The following TRIM27 variants were observed in gnomAD, a reference collection of about 807,000 sequenced individuals.
TRIM27 encodes the protein zinc finger protein RFP.
TRIM27 carries 12 observed loss-of-function variants against 57.6 expected under a neutral mutation model. The observed-to-expected ratio is 0.21, with a 90% confidence interval of 0.13 to 0.34. The LOEUF (loss-of-function observed/expected upper bound fraction) is 0.34, where lower values mean the gene tolerates loss of function less well. Among genes scored for constraint, TRIM27 ranks in the 10% least tolerant of loss-of-function variants. The probability of loss-of-function intolerance (pLI) is 1.00; values close to 1 mark genes in which losing one functional copy is unlikely to be tolerated. For missense variants in TRIM27, 403 were observed against 656.8 expected, an observed-to-expected ratio of 0.61 and a Z score of 4.22; for synonymous variants, 266 against 259.0, an observed-to-expected ratio of 1.03 and a Z score of -0.26.
chr6:28,906,006 A>G (rs1377480903), intron 7 of TRIM27: 2 of 152,094 alleles, frequency 1.3e-5, no homozygotes, highest in African/African-American at 2.4e-5. Flanking sequence ...GATTGCTTGC[A>G]TACAGGAGTT....
At chr6:28,920,802 G>A (rs1014118245) in intron 2 of TRIM27, among the ~76,000 whole-genome samples, 5 of 152,162 alleles carry the variant, frequency 3.3e-5, no homozygotes, top group Non-Finnish European at 5.9e-5. Context: ...ATGGAAGATT[G>A]TCACACAGGA....
At chr6:28,918,463 C>T (rs1386775537) in intron 3 of TRIM27, among the ~76,000 whole-genome samples, 1 of 152,076 alleles carries the variant, frequency 6.6e-6, no homozygotes, top group Non-Finnish European at 1.5e-5. Flanking sequence ...TGGGTATCAG[C>T]TTTGATATTA....
At chr6:28,911,777 T>C (rs1773226994) in intron 3 of TRIM27, 59 bp from the exon 4 acceptor site, 1 of 1,574,168 alleles carries the variant, frequency 6.4e-7, no homozygotes, top group Non-Finnish European at 8.7e-7. Flanking sequence ...CGGTTTTCTT[T>C]CACAGATGTT....
chr6:28,904,135 T>C lies in TRIM27; in HGVS notation c.1477A>G (p.Ser493Gly). Residue 493 changes from serine to glycine, a missense_variant, in exon 8 of 8, where the codon AGT becomes GGT. Ser to Gly is a moderately conservative substitution (Grantham distance 56). Coordinates refer to ENST00000377199, the MANE Select transcript of TRIM27 (RefSeq NM_006510.5). The surrounding 1 kb of genome is among the most constrained non-coding windows in gnomAD (Gnocchi z 6.1). ...SAAPLIICPM[S>G]GIDGFSGHVG... Reference sequence around the variant, plus strand: ...TGGCCAGAAAACCCATCTATCCCACTCATGGGGCAGATGATCAGAGGAGCT... The same window carrying C: ...TGGCCAGAAAACCCATCTATCCCACCCATGGGGCAGATGATCAGAGGAGCT... 3.7e-6 allele frequency: 6 copies of C among 1,612,990 alleles called. No homozygotes were observed. The highest frequency in any genetic ancestry group is 5.1e-6 in the Non-Finnish European group (6 of 1,180,018).
At chr6:28,920,841 G>A (rs912743789) in intron 2 of TRIM27, among the ~76,000 whole-genome samples, 2 of 152,108 alleles carry the variant, frequency 1.3e-5, no homozygotes, top group African/African-American at 4.8e-5. Context: ...TGTGCCCTAT[G>A]GAGGATGGAA....
intron 6 of TRIM27, chr6:28,908,324 G>C: frequency 6.2e-6 from 1 of 162,388 alleles, no homozygotes; most frequent in Non-Finnish European, 1.3e-5. Flanking sequence ...AGTGGTAGAG[G>C]CAGGCCCAGA....
chr6:28,916,163 C>T (rs1424221719), intron 3 of TRIM27, among the ~76,000 whole-genome samples: 2 of 152,062 alleles, frequency 1.3e-5, no homozygotes, highest in Non-Finnish European at 2.9e-5. Flanking sequence ...GATCTGCCCA[C>T]CTTGGCCTCC....
chr6:28,909,004 T>C lies in TRIM27; in HGVS notation c.855A>G (p.Leu285=), dbSNP rs150173690. Residue 285 remains leucine, a synonymous_variant, in exon 5 of 8, where the codon CTA becomes CTG. Coordinates refer to ENST00000377199, the MANE Select transcript of TRIM27 (RefSeq NM_006510.5). ...ACTGCTTTAGACTCTCCGTCAAGAA[T>C]AGACATTTTTGGGCAAAAATGTGGA... ...EKIHIFAQKC[L]FLTESLKQFT... 1.6e-3 allele frequency: 2,580 copies of C among 1,614,074 alleles called. 9 individuals are homozygous for C. The highest frequency in any genetic ancestry group is 7.3e-3 in the South Asian group (662 of 91,060).
rs1275187562 is a variant in TRIM27 at position 28,923,917 on chromosome 6, T to C, written c.-285A>G. The C allele has an allele frequency of 4.8e-6, 2 of 417,202 alleles. No homozygotes were observed. Among genetic ancestry groups the C allele is most frequent in the African/African-American group, 4.1e-5 (2 of 48,318 alleles). 25.8% of individuals were successfully genotyped at this position (417,202 alleles called of 1,614,324 possible). A position where few individuals can be genotyped will look rare whatever the true frequency, so the allele number is the denominator to read the frequency against. On this transcript the variant is annotated 5_prime_UTR_variant, in exon 1 of 8. Transcript: ENST00000377199. ...AGGAAAGGGTAGCCGAGGGTCAGAG[T>C]CCCAGGGCCAGGCGGGCAAAGCGCG...
chr6:28,922,133 G>T, intron 1 of TRIM27, 146 bp from the exon 2 acceptor site: 1 of 625,328 alleles, frequency 1.6e-6, no homozygotes, highest in Non-Finnish European at 2.8e-6. Flanking sequence ...ACCCACAAGA[G>T]ACTCAGGGCG....
chr6:28,922,228 T>C (rs1442119859), intron 1 of TRIM27, among the ~76,000 whole-genome samples: 1 of 152,244 alleles, frequency 6.6e-6, no homozygotes, highest in Non-Finnish European at 1.5e-5. Flanking sequence ...TCGTCAGGAC[T>C]ATTTGTGTCT....
At chr6:28,920,272 G>A in intron 2 of TRIM27, 30 bp from the exon 3 acceptor site, 1 of 1,541,618 alleles carries the variant, frequency 6.5e-7, no homozygotes. Context: ...AGGCAGTAAA[G>A]AGAAAAACGG....
rs1337421024 is a variant in TRIM27, at chr6:28,904,877, C to T, written c.947-212G>A. On this transcript the variant is annotated intron_variant, in intron 7 of 7. Transcript: ENST00000377199. This position sits in a 1 kb window ranked among gnomAD's most constrained non-coding sequence, Gnocchi z 6.1. ...CTCTGAAAATACAGAATTTTAGCCC[C>T]GTATCTTTTCTTTCACATCTGAAGC... is the stretch of plus-strand genomic sequence containing the variant. The T allele has an allele frequency of 1.4e-5, 8 of 557,206 alleles. No individual in the cohort carries two copies. Among genetic ancestry groups the T allele is most frequent in the South Asian group, 2.7e-5 (1 of 37,352 alleles). The allele number at this position is 557,206 out of a possible 1,614,324, so 34.5% of individuals were successfully genotyped here. A position where few individuals can be genotyped will look rare whatever the true frequency, so the allele number is the denominator to read the frequency against.
chr6:28,907,646 G>C (rs1346393568), intron 6 of TRIM27: 4 of 528,178 alleles, frequency 7.6e-6, no homozygotes, highest in Admixed American at 2.3e-5. Context: ...GAGCTGAATG[G>C]CTCAAGTGAC....
At position 28,904,283 on chromosome 6, in the gene TRIM27, A is replaced by C; in HGVS notation, c.1329T>G (p.Asp443Glu). The C allele has an allele frequency of 6.2e-7, 1 of 1,613,100 alleles. No individual in the cohort carries two copies. Among genetic ancestry groups the C allele is most frequent in the Middle Eastern group, 1.6e-4 (1 of 6,062 alleles). ...CGTTGTAGAAGGAGACCTCACCAGC[A>C]TCATAGTCCAAGAAAATCCCCACCC... is the stretch of plus-strand genomic sequence containing the variant. The part of the protein sequence containing the change: ...LQRVGIFLDY[D>E]AGEVSFYNVT... The change falls in exon 8 of 8, where the codon GAT becomes GAG. Residue 443 changes from aspartate (D) to glutamate (E), a missense_variant. Asp to Glu is a conservative substitution (Grantham distance 45). Coordinates refer to ENST00000377199, the MANE Select transcript of TRIM27 (RefSeq NM_006510.5). The surrounding 1 kb of genome is among the most constrained non-coding windows in gnomAD (Gnocchi z 6.1).
At chr6:28,918,014 T>A (rs1315517604) in intron 3 of TRIM27, among the ~76,000 whole-genome samples, 1 of 151,908 alleles carries the variant, frequency 6.6e-6, no homozygotes, top group African/African-American at 2.4e-5. Context: ...TTAATAGAGA[T>A]GGGGTTTCTC....
At chr6:28,921,394 AT>A (rs9278122) in intron 2 of TRIM27, among the ~76,000 whole-genome samples, 1 of 147,238 alleles carries the variant, frequency 6.8e-6, no homozygotes, top group East Asian at 2.0e-4. Context: ...AAAAAAAAAA[AT>A]TCCCATATAC....
intron 6 of TRIM27, chr6:28,907,979 G>T (rs1772894218): frequency 1.1e-5 from 2 of 176,436 alleles, no homozygotes; most frequent in Admixed American, 1.2e-4. Flanking sequence ...AAGATTGTGG[G>T]GGTTTGTAAT....
In TRIM27 at chr6:28,916,204, C is replaced by T. The variant is rs186142804; in HGVS notation, c.747+3808G>A. On this transcript the variant is annotated intron_variant, in intron 3 of 7. Coordinates refer to ENST00000377199, the MANE Select transcript of TRIM27 (RefSeq NM_006510.5). ...TGCTGGGATTACAGGCGTGAGCCGCCGCGCCTGGCCAGTACTGAAACATAT... is the reference window on the plus strand; with the variant it reads ...TGCTGGGATTACAGGCGTGAGCCGCTGCGCCTGGCCAGTACTGAAACATAT... Among the ~76,000 whole-genome samples the T allele has an allele frequency of 4.7e-3, 712 of 152,178 alleles. 6 individuals are homozygous for T. Among genetic ancestry groups the T allele is most frequent in the African/African-American group, 0.015 (629 of 41,540 alleles).
Sources: gnomAD v4.1 joint callset for allele counts (sites outside exome capture counted in the v4.1 genomes callset) on GRCh38, gnomAD v4.1.1 for gene constraint, Gnocchi (gnomAD v3.1) non-coding constraint, MANE v1.5 for transcripts, NCBI Gene and HGNC (gene_info 2026-07-23, HGNC 2026-07-21) for gene names.